Variants in PRKN observed in about 807,000 individuals in gnomAD.
PRKN encodes the protein E3 ubiquitin-protein ligase parkin.
A neutral mutation model predicts 59.5 loss-of-function variants in PRKN; 56 were observed. The ratio of observed to expected loss-of-function variants is 0.94; its 90% confidence interval spans 0.76 to 1.18. The LOEUF is 1.18. Ranked by LOEUF, PRKN falls within the 50% of genes most tolerant of loss-of-function variation. PRKN has a pLI of 0.00. For missense variants in PRKN, 657 were observed against 596.4 expected (o/e 1.10, Z -1.06); for synonymous variants, 250 against 222.1 (o/e 1.13, Z -1.12).
At chr6:162,307,939 T>A (rs890443355) in intron 2 of PRKN, among the ~76,000 whole-genome samples, 3 of 152,202 alleles carry the variant, frequency 2.0e-5, no homozygotes, top group Non-Finnish European at 4.4e-5. Flanking sequence ...TTTCAAGATG[T>A]TTTGAAATAT....
intron 2 of PRKN, among the ~76,000 whole-genome samples, chr6:162,319,519 A>G (rs1782897336): frequency 6.6e-6 from 1 of 152,052 alleles, no homozygotes; most frequent in Non-Finnish European, 1.5e-5. Flanking sequence ...CTTACACAAC[A>G]ACAAATTATT....
intron 3 of PRKN, among the ~76,000 whole-genome samples, chr6:162,234,556 C>CA (rs1562600856): frequency 6.6e-6 from 1 of 152,266 alleles, no homozygotes; most frequent in Non-Finnish European, 1.5e-5. Flanking sequence ...AGAGTATTTG[C>CA]ATATAGCCTA....
chr6:161,520,014 G>A (rs1778760285), intron 9 of PRKN, among the ~76,000 whole-genome samples: 1 of 152,138 alleles, frequency 6.6e-6, no homozygotes, highest in South Asian at 2.1e-4. Context: ...TGGGGAGGAG[G>A]AATAGCTTGA....
chr6:161,469,270 C>G (rs938982558), intron 9 of PRKN, among the ~76,000 whole-genome samples: 1 of 152,104 alleles, frequency 6.6e-6, no homozygotes, highest in East Asian at 1.9e-4. Context: ...TTATAAGAGG[C>G]TTCCCCCTTC....
rs140243771 is a variant in PRKN at position 161,451,470 on chromosome 6, C to T, written c.1084-64593G>A. Among the ~76,000 whole-genome samples, 1 of 152,280 alleles carries T rather than the reference C, an allele frequency of 6.6e-6. No individual in the cohort carries two copies. The highest frequency in any genetic ancestry group is 1.9e-4 in the East Asian group (1 of 5,182). On this transcript the variant is annotated intron_variant, in intron 9 of 11. Transcript: ENST00000366898. This position sits in a 1 kb window ranked among gnomAD's most constrained non-coding sequence, Gnocchi z 5.9. Reference sequence around the variant, plus strand: ...CACTTCCATCAACAGACTCCATCAACAGGAGGCAACGCAGCCTCAGGATAC... The same window carrying T: ...CACTTCCATCAACAGACTCCATCAATAGGAGGCAACGCAGCCTCAGGATAC...
chr6:162,339,051 C>A (rs1255089399), intron 2 of PRKN, among the ~76,000 whole-genome samples: 28 of 149,228 alleles, frequency 1.9e-4, no homozygotes, highest in Non-Finnish European at 2.2e-4. Context: ...AGCCCCTCCG[C>A]CCGGCAGCCG....
chr6:161,374,555 TGTG>T (rs1451750211), intron 10 of PRKN, among the ~76,000 whole-genome samples: 3 of 60,446 alleles, frequency 5.0e-5, no homozygotes, highest in Non-Finnish European at 7.0e-5. Context: ...TGGTGTGTGA[TGTG>T]TGTGTGGTGT....
rs1723485142 is a variant in PRKN at position 161,440,142 on chromosome 6, A to G, written c.1084-53265T>C. The stretch of plus-strand genomic sequence containing the variant: ...ATTTTTTTTGGTATTTTTAGTAGAG[A>G]CGGGGTTTCACCGTGTTAGCCAGGA... On this transcript the variant is annotated intron_variant, in intron 9 of 11. Transcript: ENST00000366898. The surrounding 1 kb of genome is among the most constrained non-coding windows in gnomAD (Gnocchi z 4.1). Among the ~76,000 whole-genome samples, 1 of 151,644 alleles carries G rather than the reference A, an allele frequency of 6.6e-6. No homozygotes were observed. The highest frequency in any genetic ancestry group is 2.4e-5 in the African/African-American group (1 of 41,296).
intron 4 of PRKN, among the ~76,000 whole-genome samples, chr6:162,171,436 G>A (rs564577193): frequency 6.6e-6 from 1 of 152,192 alleles, no homozygotes; most frequent in African/African-American, 2.4e-5. Context: ...TTTGGCTGAT[G>A]GAGTGGCCCT....
intron 1 of PRKN, among the ~76,000 whole-genome samples, chr6:162,620,455 A>G (rs1351260112): frequency 6.6e-6 from 1 of 152,208 alleles, no homozygotes; most frequent in African/African-American, 2.4e-5. Context: ...TTCTAGCATT[A>G]TGACTACTGA....
intron 4 of PRKN, among the ~76,000 whole-genome samples, chr6:162,196,753 ATTTG>A (rs1191886332): frequency 6.6e-6 from 1 of 152,166 alleles, no homozygotes; most frequent in Non-Finnish European, 1.5e-5. Flanking sequence ...TTCCTTTACA[ATTTG>A]TTAGAGTATC....
chr6:161,816,752 C>T (rs949929184), intron 6 of PRKN, among the ~76,000 whole-genome samples: 1 of 151,782 alleles, frequency 6.6e-6, no homozygotes, highest in Non-Finnish European at 1.5e-5. Context: ...ATTGTTCATG[C>T]GCAGTCACTT....
intron 7 of PRKN, among the ~76,000 whole-genome samples, chr6:161,598,809 T>A (rs1782009773): frequency 6.6e-6 from 1 of 152,192 alleles, no homozygotes; most frequent in South Asian, 2.1e-4. Flanking sequence ...TGGCCATGGA[T>A]GTTATGGGTT....
intron 2 of PRKN, among the ~76,000 whole-genome samples, chr6:162,359,453 T>G (rs1234564477): frequency 6.6e-6 from 1 of 152,094 alleles, no homozygotes; most frequent in Non-Finnish European, 1.5e-5. Flanking sequence ...TTCAATCACT[T>G]GACTTTTAAC....
chr6:161,767,491 T>G (rs1186924744), intron 7 of PRKN, among the ~76,000 whole-genome samples: 1 of 145,060 alleles, frequency 6.9e-6, no homozygotes, highest in African/African-American at 2.6e-5. Flanking sequence ...CACTCCCGCC[T>G]GGGCGACAGA....
chr6:161,535,436 C>T (rs1255505352), intron 9 of PRKN, among the ~76,000 whole-genome samples: 2 of 152,146 alleles, frequency 1.3e-5, no homozygotes, highest in Non-Finnish European at 1.5e-5. Flanking sequence ...AGACTGCACA[C>T]AAGTGAATGG....
At chr6:162,515,978 T>A (rs763092204) in intron 1 of PRKN, among the ~76,000 whole-genome samples, 2 of 152,346 alleles carry the variant, frequency 1.3e-5, no homozygotes, top group Non-Finnish European at 2.9e-5. Context: ...AGCTGTTTGG[T>A]ACCACTTGTT....
At chr6:162,617,167 C>G (rs1248677996) in intron 1 of PRKN, among the ~76,000 whole-genome samples, 1 of 152,030 alleles carries the variant, frequency 6.6e-6, no homozygotes, top group East Asian at 1.9e-4. Flanking sequence ...CCCTACTTAC[C>G]ATTTTTTGTT....
At chr6:162,498,489 AGGCTG>A (rs1158045216) in intron 1 of PRKN, among the ~76,000 whole-genome samples, 36 of 101,150 alleles carry the variant, frequency 3.6e-4, no homozygotes, top group Admixed American at 1.8e-3. Context: ...CTTGTTGCCC[AGGCTG>A]GAGTGCAATG....
Sources: allele counts gnomAD v4.1 joint callset (sites outside exome capture counted in the v4.1 genomes callset), GRCh38; gene constraint gnomAD v4.1.1; non-coding constraint Gnocchi (gnomAD v3.1); transcripts MANE v1.5; gene names NCBI Gene and HGNC (gene_info 2026-07-23, HGNC 2026-07-21).